PAK3: variants seen among roughly 807,000 people sequenced by gnomAD.
PAK3 encodes the protein serine/threonine-protein kinase PAK 3.
Under a neutral mutation model 41.0 loss-of-function variants are expected in PAK3, and 4 were observed. The ratio of observed to expected loss-of-function variants is 0.10; its 90% confidence interval spans 0.05 to 0.22. The LOEUF (loss-of-function observed/expected upper bound fraction) is 0.22. PAK3 is among the 10% of genes least tolerant of loss of function. PAK3 has a pLI of 1.00. For missense variants in PAK3, 205 were observed against 409.9 expected (o/e 0.50, Z 4.32); for synonymous variants, 146 against 139.6 (o/e 1.05, Z -0.32).
chrX:111,223,999 G>A lies in PAK3; in HGVS notation c.*3552G>A, dbSNP rs1312475385. On this transcript the variant is annotated 3_prime_UTR_variant, in exon 18 of 18. Coordinates refer to ENST00000372007, the MANE Select transcript of PAK3 (RefSeq NM_002578.5). Reference sequence around the variant, plus strand: ...AATATTGCTTTACAATAAATAAACAGCAGAAAGGGAACTATAGACACATAG... The same window carrying A: ...AATATTGCTTTACAATAAATAAACAACAGAAAGGGAACTATAGACACATAG... The A allele has an allele frequency of 4.5e-5, 5 of 111,661 alleles. No individual in the cohort carries two copies. In the Admixed American group the frequency reaches 4.8e-4, roughly 11 times the overall value. The allele number at this position is 111,661 out of a possible 1,213,427, so 9.2% of individuals were successfully genotyped here.
intron 11 of PAK3, among the ~76,000 whole-genome samples, chrX:111,182,154 C>T (rs1012111101): frequency 9.0e-6 from 1 of 111,305 alleles, no homozygotes; most frequent in Non-Finnish European, 1.9e-5. Flanking sequence ...CACCTGCCCC[C>T]CTTTCCTGTC....
chrX:111,108,393 G>T (rs2093312544), intron 4 of PAK3, among the ~76,000 whole-genome samples: 1 of 111,934 alleles, frequency 8.9e-6, no homozygotes, highest in Non-Finnish European at 1.9e-5. Context: ...TTAAGACAGG[G>T]GTTCCCAAAC....
chrX:111,148,020 G>A, intron 7 of PAK3, 130 bp downstream of exon 7: 3 of 528,699 alleles, frequency 5.7e-6, no homozygotes, highest in Non-Finnish European at 6.4e-6. Context: ...TCAACATAAG[G>A]AAACCAAAAA....
chrX:111,167,700 A>G (rs903506452), intron 10 of PAK3, among the ~76,000 whole-genome samples: 1 of 101,151 alleles, frequency 9.9e-6, no homozygotes, highest in Non-Finnish European at 2.0e-5. Flanking sequence ...CAGGGAGGGG[A>G]ATATCACACA....
chrX:111,003,140 G>A (rs2091874132), intron 1 of PAK3, among the ~76,000 whole-genome samples: 1 of 105,408 alleles, frequency 9.5e-6, no homozygotes, highest in Non-Finnish European at 1.9e-5. Context: ...ACAGCACAAA[G>A]GATAGTCTTC....
At chrX:111,153,493 T>G (rs1238931596) in intron 8 of PAK3, among the ~76,000 whole-genome samples, 2 of 112,410 alleles carry the variant, frequency 1.8e-5, no homozygotes, top group Non-Finnish European at 3.8e-5. Flanking sequence ...TTCATTTTGA[T>G]ATTCTGATAG....
chrX:111,052,739 A>C (rs2092570016), intron 1 of PAK3, among the ~76,000 whole-genome samples: 1 of 111,744 alleles, frequency 8.9e-6, no homozygotes, highest in African/African-American at 3.3e-5. Context: ...CCTTCCTTTG[A>C]CTCTTTTTGC....
At chrX:110,967,784 C>A in intron 1 of PAK3, among the ~76,000 whole-genome samples, 1 of 111,722 alleles carries the variant, frequency 9.0e-6, no homozygotes, top group East Asian at 2.8e-4. Context: ...TACCTTTCAC[C>A]CAGTTTTCCC....
Position 111,146,672 on chromosome X carries a change from T to G in PAK3, c.277-1065T>G, listed in dbSNP as rs186398344. ...TGCAGTAGAGTTGTTGCTTGGCTTATCTCACTTTTTTTGTTGTCATTCCCA... is the reference window on the plus strand; with the variant it reads ...TGCAGTAGAGTTGTTGCTTGGCTTAGCTCACTTTTTTTGTTGTCATTCCCA... On this transcript the variant is annotated intron_variant, in intron 6 of 17. Coordinates refer to ENST00000372007, the MANE Select transcript of PAK3 (RefSeq NM_002578.5). 3.2e-4 allele frequency: 140 copies of G among 440,691 alleles called. No homozygotes were observed. In the Middle Eastern group the frequency reaches 5.9e-3, roughly 19 times the overall value. 36.3% of individuals were successfully genotyped at this position (440,691 alleles called of 1,213,427 possible). A position where few individuals can be genotyped will look rare whatever the true frequency, so the allele number is the denominator to read the frequency against.
At chrX:111,032,464 T>C (rs149324974) in intron 1 of PAK3, among the ~76,000 whole-genome samples, 125 of 112,145 alleles carry the variant, frequency 1.1e-3, no homozygotes, top group African/African-American at 3.9e-3. Flanking sequence ...CTGTTCCTGT[T>C]ATTTGCAGGG....
intron 1 of PAK3, among the ~76,000 whole-genome samples, chrX:110,976,126 A>G (rs1012893261): frequency 1.8e-5 from 2 of 112,443 alleles, no homozygotes; most frequent in Admixed American, 9.4e-5. Context: ...TAATTAAACT[A>G]AAGAGCTTCT....
At chrX:111,043,021 G>T (rs1291002139) in intron 1 of PAK3, among the ~76,000 whole-genome samples, 2 of 111,678 alleles carry the variant, frequency 1.8e-5, no homozygotes, top group African/African-American at 6.5e-5. Context: ...AGGGGTGGTG[G>T]CTCACGCCTG....
chrX:111,055,608 GA>G (rs1569290327), intron 1 of PAK3, among the ~76,000 whole-genome samples: 1 of 112,221 alleles, frequency 8.9e-6, no homozygotes, highest in Non-Finnish European at 1.9e-5. Context: ...TCAAGCCTGT[GA>G]AACCACTCAG....
chrX:110,961,109 TG>T (rs747199238), intron 1 of PAK3, among the ~76,000 whole-genome samples: 1 of 111,651 alleles, frequency 9.0e-6, no homozygotes, highest in South Asian at 3.9e-4. Flanking sequence ...TGACCTGGGA[TG>T]CTTAGAAACA....
intron 1 of PAK3, among the ~76,000 whole-genome samples, chrX:110,954,280 T>C (rs1162572658): frequency 4.4e-5 from 5 of 112,520 alleles, no homozygotes; most frequent in Non-Finnish European, 9.4e-5. Flanking sequence ...TTTCTTTTTA[T>C]ATATAGCTCC....
chrX:111,088,381 C>T (rs2092905525), intron 1 of PAK3, among the ~76,000 whole-genome samples: 1 of 111,885 alleles, frequency 8.9e-6, no homozygotes, highest in Admixed American at 9.5e-5. Context: ...ATTACAGAGA[C>T]TGCATGCTGG....
intron 16 of PAK3, among the ~76,000 whole-genome samples, chrX:111,206,167 T>G (rs748487576): frequency 1.8e-5 from 2 of 111,339 alleles, no homozygotes; most frequent in Non-Finnish European, 3.8e-5. Context: ...ACCAGCGATA[T>G]TCTCCTCCCA....
chrX:110,972,285 C>T (rs1163971377), intron 1 of PAK3, among the ~76,000 whole-genome samples: 2 of 111,345 alleles, frequency 1.8e-5, no homozygotes, highest in East Asian at 2.8e-4. Flanking sequence ...AGTGGGTCCC[C>T]GACCCCCGTG....
chrX:111,217,762 A>G (rs1032967865), intron 17 of PAK3: 5 of 269,407 alleles, frequency 1.9e-5, no homozygotes, highest in African/African-American at 1.5e-4. Flanking sequence ...AGATGAAAAG[A>G]CAACTTTTGA....
Sources: gnomAD v4.1 joint callset for allele counts (sites outside exome capture counted in the v4.1 genomes callset) on GRCh38, gnomAD v4.1.1 for gene constraint, MANE v1.5 for transcripts, NCBI Gene and HGNC (gene_info 2026-07-23, HGNC 2026-07-21) for gene names.